The following BLTP1 variants were observed in gnomAD, a reference collection of about 807,000 sequenced individuals.
BLTP1 encodes the protein fragile site-associated protein.
At chr4:122,266,881 A>G in the BLTP1 span, 1 of 1,612,762 alleles carries the variant, frequency 6.2e-7, no homozygotes, top group Non-Finnish European at 8.5e-7. Flanking sequence ...TTTCATTTTC[A>G]GGGACTTTGG....
the BLTP1 span, among the ~76,000 whole-genome samples, chr4:122,270,646 A>AGG: frequency 1.3e-5 from 2 of 151,410 alleles, no homozygotes; most frequent in Middle Eastern, 3.2e-3. Flanking sequence ...AGATTGTAGG[A>AGG]GGGGGGGATG....
chr4:122,231,371 A>G, the BLTP1 span, among the ~76,000 whole-genome samples: 3 of 152,128 alleles, frequency 2.0e-5, no homozygotes, highest in Non-Finnish European at 4.4e-5. Context: ...TATTTCTGAA[A>G]TTAACACTTT....
the BLTP1 span, chr4:122,356,520 TAC>T: frequency 8.2e-7 from 1 of 1,218,276 alleles, no homozygotes; most frequent in African/African-American, 1.5e-5. Flanking sequence ...CTCATTTCTT[TAC>T]AGTTGCATTT....
the BLTP1 span, chr4:122,198,173 A>G: frequency 2.0e-6 from 2 of 979,062 alleles, no homozygotes; most frequent in Middle Eastern, 5.2e-4. Flanking sequence ...TAGATAATCA[A>G]TTGAAAAAGT....
the BLTP1 span, chr4:122,261,738 G>A: frequency 1.0e-6 from 1 of 981,172 alleles, no homozygotes; most frequent in Non-Finnish European, 1.2e-6. Context: ...TCATCCTTTA[G>A]GACAGAATAT....
chr4:122,281,152 T>C, the BLTP1 span: 656 of 207,324 alleles, frequency 3.2e-3, 4 homozygotes, highest in African/African-American at 0.015. Context: ...ATTATTGTTA[T>C]TGTTGGGGTT....
the BLTP1 span, among the ~76,000 whole-genome samples, chr4:122,310,633 C>T: frequency 6.6e-6 from 1 of 152,264 alleles, no homozygotes; most frequent in Non-Finnish European, 1.5e-5. Context: ...GATGAGGATG[C>T]TCCTTTCCTC....
At chr4:122,262,807 C>G in the BLTP1 span, 1 of 1,612,992 alleles carries the variant, frequency 6.2e-7, no homozygotes, top group Non-Finnish European at 8.5e-7. Flanking sequence ...AGTGGAGACA[C>G]TGCCACTGAT....
the BLTP1 span, chr4:122,254,096 G>C: frequency 2.7e-6 from 3 of 1,108,102 alleles, no homozygotes; most frequent in Non-Finnish European, 2.6e-6. Flanking sequence ...TCCCAGACTT[G>C]ATTTGATGAA....
At chr4:122,274,260 A>G in the BLTP1 span, 2 of 836,234 alleles carry the variant, frequency 2.4e-6, no homozygotes, top group African/African-American at 1.8e-5. Flanking sequence ...TACTGAATAT[A>G]TTATGAATAA....
the BLTP1 span, among the ~76,000 whole-genome samples, chr4:122,334,981 AGGC>A: frequency 6.6e-6 from 1 of 152,020 alleles, no homozygotes; most frequent in Admixed American, 6.6e-5. Flanking sequence ...TCAGAAATGT[AGGC>A]ACAGTTTGGC....
At chr4:122,301,094 A>G in the BLTP1 span, 2 of 810,930 alleles carry the variant, frequency 2.5e-6, no homozygotes, top group African/African-American at 3.7e-5. Context: ...TTAATTGAAT[A>G]TAAAATGTTA....
At chr4:122,325,143 G>A in the BLTP1 span, 1 of 1,311,364 alleles carries the variant, frequency 7.6e-7, no homozygotes, top group Admixed American at 2.4e-5. Flanking sequence ...CAAATAAAAT[G>A]TCATTGCCAT....
the BLTP1 span, chr4:122,187,504 G>A: frequency 6.2e-7 from 1 of 1,611,456 alleles, no homozygotes; most frequent in Non-Finnish European, 8.5e-7. Context: ...AAAGGTCAAT[G>A]TGAGCACAGT....
At chr4:122,156,512 A>G in the BLTP1 span, among the ~76,000 whole-genome samples, 2 of 152,230 alleles carry the variant, frequency 1.3e-5, no homozygotes, top group African/African-American at 4.8e-5. Context: ...TCCATTGGAC[A>G]TATCACTTAA....
the BLTP1 span, chr4:122,318,225 C>T: frequency 1.2e-6 from 2 of 1,612,046 alleles, no homozygotes; most frequent in Non-Finnish European, 1.7e-6. Context: ...CTGTGAATGA[C>T]ATTAGAAGAG....
chr4:122,285,784 A>AT, the BLTP1 span, among the ~76,000 whole-genome samples: 1 of 152,170 alleles, frequency 6.6e-6, no homozygotes, highest in African/African-American at 2.4e-5. Context: ...TGAAAGGAGC[A>AT]TGTGTATGTA....
At chr4:122,319,543 T>G in the BLTP1 span, among the ~76,000 whole-genome samples, 3 of 147,804 alleles carry the variant, frequency 2.0e-5, no homozygotes, top group African/African-American at 4.9e-5. Flanking sequence ...TTTATAATTT[T>G]TTTTTTTTTT....
chr4:122,208,011 C>T, the BLTP1 span: 2 of 985,224 alleles, frequency 2.0e-6, no homozygotes, highest in Non-Finnish European at 2.4e-6. Flanking sequence ...ACCACAGTAG[C>T]TTTCTTCCTT....
Sources: gnomAD v4.1 joint callset for allele counts (sites outside exome capture counted in the v4.1 genomes callset) on GRCh38, gnomAD v4.1.1 for gene constraint, MANE v1.5 for transcripts, NCBI Gene and HGNC (gene_info 2026-07-23, HGNC 2026-07-21) for gene names.